Variants in KDM4B observed in about 807,000 individuals in gnomAD.
The protein encoded by KDM4B is lysine-specific demethylase 4B.
KDM4B carries 32 observed loss-of-function variants against 125.2 expected under a neutral mutation model. The observed-to-expected ratio is 0.26, with a 90% CI of 0.19 to 0.34. The LOEUF (loss-of-function observed/expected upper bound fraction) is 0.34, where lower values mean the gene tolerates loss of function less well. KDM4B is among the 10% of genes least tolerant of loss of function. KDM4B has a pLI of 1.00. For synonymous variants in KDM4B, 721 were observed against 677.9 expected (o/e 1.06, Z -0.99); for missense variants, 1,190 against 1,577.7 (o/e 0.75, Z 4.16).
intron 3 of KDM4B, among the ~76,000 whole-genome samples, chr19:5,034,112 C>T (rs941333867): frequency 6.6e-6 from 1 of 152,162 alleles, no homozygotes; most frequent in South Asian, 2.1e-4. Flanking sequence ...CCAGCCTGGA[C>T]GACAGAGGAA....
chr19:5,135,252 G>A, intron 14 of KDM4B, 87 bp from the exon 15 acceptor site: 1 of 864,532 alleles, frequency 1.2e-6, no homozygotes. Context: ...TCGAAGCCTG[G>A]GGCAGGTGCC....
chr19:5,027,706 A>G (rs1307112092), intron 2 of KDM4B, among the ~76,000 whole-genome samples: 1 of 151,828 alleles, frequency 6.6e-6, no homozygotes, highest in South Asian at 2.1e-4. Flanking sequence ...ACACCCGGCT[A>G]ATTTTCATAT....
intron 1 of KDM4B, among the ~76,000 whole-genome samples, chr19:4,994,288 C>T (rs922881937): frequency 6.7e-6 from 1 of 148,278 alleles, no homozygotes; most frequent in Non-Finnish European, 1.5e-5. Flanking sequence ...AGAGTGTCCC[C>T]TGGCTGGGCG....
Position 5,047,442 on chromosome 19 carries a change from G to A in KDM4B, c.433-34G>A, listed in dbSNP as rs1161646799. ...GGGCTCGCAGGTTCTGGGGGTGGCC[G>A]GGCGGTTGCCGACGCTGCTCTGCCG... On this transcript the variant is annotated intron_variant, in intron 5 of 22. Coordinates refer to ENST00000159111, the MANE Select transcript of KDM4B (RefSeq NM_015015.3). The A allele has an allele frequency of 1.0e-5, 16 of 1,564,578 alleles. No homozygotes were observed. The Middle Eastern group carries it at 5.1e-4, about 50-fold the overall frequency.
rs556525968 is a variant in KDM4B, at chr19:5,125,135, G to A, written c.1315+5283G>A. 1.6e-3 allele frequency among the ~76,000 whole-genome samples: 244 copies of A among 152,222 alleles called. 1 individual carries two copies. The highest frequency in any genetic ancestry group is 5.6e-3 in the African/African-American group (233 of 41,538). ...AGCTGCTCCCGAACTCCTGGGCTCC[G>A]CCTCAGCCTCCCAAAGTGCTGGGAT... On this transcript the variant is annotated intron_variant, in intron 11 of 22. Coordinates refer to ENST00000159111, the MANE Select transcript of KDM4B (RefSeq NM_015015.3).
At chr19:5,041,368 C>T (rs1247247812) in intron 5 of KDM4B, 117 bp downstream of exon 5, 5 of 708,292 alleles carry the variant, frequency 7.1e-6, no homozygotes, top group South Asian at 6.6e-5. Flanking sequence ...AAGGTTAACC[C>T]CCTCGCCCAG....
chr19:5,001,655 C>G (rs1028430510), intron 1 of KDM4B, among the ~76,000 whole-genome samples: 1 of 150,188 alleles, frequency 6.7e-6, no homozygotes, highest in East Asian at 1.9e-4. Flanking sequence ...AGCTTTTATG[C>G]TAAACACCCA....
intron 18 of KDM4B, among the ~76,000 whole-genome samples, chr19:5,138,984 G>A (rs181873298): frequency 6.6e-6 from 1 of 152,316 alleles, no homozygotes; most frequent in East Asian, 1.9e-4. Context: ...GTGCAGTGGT[G>A]TGATCACAGC....
At position 5,099,989 on chromosome 19, in the gene KDM4B, C is replaced by T. The variant is rs151337863; in HGVS notation, c.919-10633C>T. On this transcript the variant is annotated intron_variant, in intron 9 of 22. Coordinates refer to ENST00000159111, the MANE Select transcript of KDM4B (RefSeq NM_015015.3). ...GCAGGAGAAGCTGCTGTCTGGGTGG[C>T]GGATAGTTTGGCTGGGTATCGAAGT... Among the ~76,000 whole-genome samples the T allele has an allele frequency of 5.4e-3, 826 of 152,344 alleles. 5 individuals are homozygous for T. The highest frequency in any genetic ancestry group is 8.0e-3 in the Non-Finnish European group (545 of 68,030).
At chr19:5,146,803 T>C (rs533762610) in intron 21 of KDM4B, among the ~76,000 whole-genome samples, 1 of 124,862 alleles carries the variant, frequency 8.0e-6, no homozygotes, top group East Asian at 2.7e-4. Flanking sequence ...TAGCTGGGCA[T>C]GGTAGTGTGC....
intron 5 of KDM4B, among the ~76,000 whole-genome samples, chr19:5,044,433 G>C (rs894060789): frequency 6.6e-6 from 1 of 151,796 alleles, no homozygotes; most frequent in African/African-American, 2.4e-5. Flanking sequence ...GTTTATCGGA[G>C]TGGGGGTGTC....
chr19:5,151,558 G>A lies in KDM4B; in HGVS notation c.*47G>A. ...CCCTCAGCCCGGCGGGGAGGCCATG[G>A]CATGCCCCGGGCGTTCGCTTGCTGT... On this transcript the variant is annotated 3_prime_UTR_variant, in exon 23 of 23. Transcript: ENST00000159111. 2 of 1,296,142 alleles carry A rather than the reference G, an allele frequency of 1.5e-6. No individual in the cohort carries two copies. The highest frequency in any genetic ancestry group is 2.0e-6 in the Non-Finnish European group (2 of 1,016,038). The allele number at this position is 1,296,142 out of a possible 1,614,324, so 80.3% of individuals were successfully genotyped here.
At chr19:5,138,352 G>A (rs1960975589) in intron 18 of KDM4B, 1 of 469,834 alleles carries the variant, frequency 2.1e-6, no homozygotes, top group Admixed American at 3.9e-5. Context: ...CTGCAGAATC[G>A]AGCACCCCAT....
In KDM4B at chr19:5,131,121, G is replaced by A. The variant is rs143126120; in HGVS notation, c.1361G>A (p.Arg454Gln). 88 of 1,526,768 alleles carry A rather than the reference G, an allele frequency of 5.8e-5. No individual in the cohort carries two copies. The highest frequency in any genetic ancestry group is 4.8e-5 in the Non-Finnish European group (54 of 1,136,622). The allele number at this position is 1,526,768 out of a possible 1,614,324, so 94.6% of individuals were successfully genotyped here. A position where few individuals can be genotyped will look rare whatever the true frequency, so the allele number is the denominator to read the frequency against. ...KLRPTKAKSERKKKSFGLLPP... is the reference protein window; with the variant it reads ...KLRPTKAKSEQKKKSFGLLPP... ...CGGCCAACCAAGGCCAAGAGCGAGC[G>A]GAAGAAGAAGAGCTTCGGCCTGCTG... is the stretch of plus-strand genomic sequence containing the variant. The change falls in exon 12 of 23, where the codon CGG (arginine) becomes CAG (glutamine). Residue 454 changes from arginine (R) to glutamine (Q), a missense_variant. Physicochemically the swap from Arg to Gln is conservative, Grantham distance 43 (BLOSUM62 1). This residue lies in a region of KDM4B where 428 missense variants were observed against 405.1 expected (regional missense o/e 1.06). Transcript: ENST00000159111.
chr19:4,986,240 G>T (rs977748623), intron 1 of KDM4B, among the ~76,000 whole-genome samples: 1 of 152,192 alleles, frequency 6.6e-6, no homozygotes, highest in African/African-American at 2.4e-5. Context: ...AGCCACATTC[G>T]GGGCAGCGCT....
At chr19:5,033,076 C>T (rs1013482388) in intron 3 of KDM4B, 45 bp downstream of exon 3, 3 of 1,598,518 alleles carry the variant, frequency 1.9e-6, no homozygotes, top group South Asian at 2.2e-5. Flanking sequence ...TCAGCCTGCG[C>T]CGCGGGCCTG....
chr19:5,136,357 G>A (rs987980969), intron 15 of KDM4B, among the ~76,000 whole-genome samples: 3 of 152,204 alleles, frequency 2.0e-5, no homozygotes, highest in African/African-American at 4.8e-5. Context: ...ACGGGGGGGC[G>A]GTGGCAGGAA....
chr19:5,121,682 G>A (rs1414900732), intron 11 of KDM4B, among the ~76,000 whole-genome samples: 1 of 152,030 alleles, frequency 6.6e-6, no homozygotes, highest in Non-Finnish European at 1.5e-5. Context: ...TTGGAAATAA[G>A]AAAGAATTCC....
intron 17 of KDM4B, 34 bp downstream of exon 17, chr19:5,137,710 G>GGA (rs1444521682): frequency 1.9e-6 from 3 of 1,546,566 alleles, no homozygotes; most frequent in Non-Finnish European, 2.6e-6. Flanking sequence ...CTGGAGGGCC[G>GGA]GAGGGGAGCC....
Sources: gnomAD v4.1 joint callset for allele counts (sites outside exome capture counted in the v4.1 genomes callset) on GRCh38, gnomAD v4.1.1 for gene constraint, gnomAD v4.1.1 regional missense constraint, MANE v1.5 for transcripts, NCBI Gene and HGNC (gene_info 2026-07-23, HGNC 2026-07-21) for gene names.